The following CTTNBP2 variants were observed in gnomAD, a reference collection of about 807,000 sequenced individuals.
The protein encoded by CTTNBP2 is cortactin binding protein 2, also known as cortactin-binding protein 2.
CTTNBP2 carries 108 observed loss-of-function variants against 156.9 expected under a neutral mutation model. The ratio of observed to expected loss-of-function variants is 0.69; its 90% CI spans 0.59 to 0.81. The LOEUF (loss-of-function observed/expected upper bound fraction) is 0.81. Ranked by LOEUF, CTTNBP2 falls within the 30% of genes least tolerant of loss-of-function variation. CTTNBP2 has a pLI of 0.00. For synonymous variants in CTTNBP2, 767 were observed against 751.8 expected (o/e 1.02, Z -0.33); for missense variants, 1,924 against 2,035.4 (o/e 0.95, Z 1.05).
intron 11 of CTTNBP2, among the ~76,000 whole-genome samples, chr7:117,757,101 T>C (rs1353667998): frequency 1.3e-5 from 2 of 152,226 alleles, no homozygotes; most frequent in African/African-American, 4.8e-5. Flanking sequence ...ATTCTCTCAA[T>C]ACATTGTTTG....
chr7:117,749,791 G>A (rs1208743873), intron 12 of CTTNBP2, among the ~76,000 whole-genome samples: 1 of 151,866 alleles, frequency 6.6e-6, no homozygotes, highest in Non-Finnish European at 1.5e-5. Flanking sequence ...TCACATAAAT[G>A]GGCCTAATAC....
chr7:117,841,239 A>T (rs1213833099), intron 2 of CTTNBP2, among the ~76,000 whole-genome samples: 4 of 152,202 alleles, frequency 2.6e-5, no homozygotes, highest in Admixed American at 6.5e-5. Flanking sequence ...TAAAAAAATC[A>T]TCTGTCATTG....
chr7:117,746,005 A>G lies in CTTNBP2; in HGVS notation c.3435+8T>C. 1.2e-6 allele frequency: 2 copies of G among 1,613,338 alleles called. No homozygotes were observed. Among genetic ancestry groups the G allele is most frequent in the Non-Finnish European group, 8.5e-7 (1 of 1,179,244 alleles). On this transcript the variant is annotated splice_region_variant and intron_variant, in intron 13 of 22. Transcript: ENST00000160373. The stretch of plus-strand genomic sequence containing the variant: ...AAGAAAAGCAGCTGATATACAAGTA[A>G]TCAATACCTTCAGGCAGAGTGCAAG...
chr7:117,756,524 C>T, intron 12 of CTTNBP2, 31 bp downstream of exon 12: 1 of 1,552,788 alleles, frequency 6.4e-7, no homozygotes, highest in Non-Finnish European at 8.9e-7. Context: ...GGATGGAAAA[C>T]ACAGGTCTCC....
chr7:117,868,324 C>CT (rs1804348518), intron 1 of CTTNBP2, among the ~76,000 whole-genome samples: 1 of 152,198 alleles, frequency 6.6e-6, no homozygotes, highest in Non-Finnish European at 1.5e-5. Context: ...GCCTTTGGAA[C>CT]CATCTTGTCT....
chr7:117,777,432 T>C lies in CTTNBP2; in HGVS notation c.2778+79A>G, dbSNP rs369178447. The C allele has an allele frequency of 1.7e-4, 245 of 1,403,108 alleles. No individual in the cohort carries two copies. In the African/African-American group the frequency reaches 3.1e-3, roughly 18 times the overall value. The allele number at this position is 1,403,108 out of a possible 1,614,324, so 86.9% of individuals were successfully genotyped here. On this transcript the variant is annotated intron_variant, in intron 8 of 22. Coordinates refer to ENST00000160373, the MANE Select transcript of CTTNBP2 (RefSeq NM_033427.3). ...TCAGTCTCCAATTATTCAATTTAAG[T>C]GCACTTAATCTATAGCAGACAACTT...
chr7:117,860,393 A>G (rs1455801594), intron 2 of CTTNBP2, among the ~76,000 whole-genome samples: 1 of 151,062 alleles, frequency 6.6e-6, no homozygotes, highest in Non-Finnish European at 1.5e-5. Flanking sequence ...CCCAGGCTGG[A>G]GTGCAGTGGC....
rs910517992 is a variant in CTTNBP2 at position 117,791,037 on chromosome 7, A to C, written c.2068+91T>G. On this transcript the variant is annotated intron_variant, in intron 4 of 22. Coordinates refer to ENST00000160373, the MANE Select transcript of CTTNBP2 (RefSeq NM_033427.3). ...GTGGGGGGAAGCATCAAATTTAAAA[A>C]AAAAGTTTCAAGGCAATGTGAAGAA... The C allele has an allele frequency of 1.3e-5, 15 of 1,118,564 alleles. 1 individual carries two copies. In the Admixed American group the frequency reaches 3.5e-4, roughly 26 times the overall value. The allele number at this position is 1,118,564 out of a possible 1,614,324, so 69.3% of individuals were successfully genotyped here. A position where few individuals can be genotyped will look rare whatever the true frequency, so the allele number is the denominator to read the frequency against.
At chr7:117,860,897 T>C (rs1803684058) in intron 2 of CTTNBP2, among the ~76,000 whole-genome samples, 1 of 152,216 alleles carries the variant, frequency 6.6e-6, no homozygotes, top group Admixed American at 6.5e-5. Flanking sequence ...AGCAATTTTC[T>C]GAAAACACGT....
At chr7:117,871,272 C>T (rs1231198166) in intron 1 of CTTNBP2, among the ~76,000 whole-genome samples, 1 of 152,136 alleles carries the variant, frequency 6.6e-6, no homozygotes, top group East Asian at 1.9e-4. Flanking sequence ...ATAGGTCAAG[C>T]GGCTGATATG....
chr7:117,846,979 G>A (rs928104016), intron 2 of CTTNBP2, among the ~76,000 whole-genome samples: 3 of 152,188 alleles, frequency 2.0e-5, no homozygotes, highest in East Asian at 3.9e-4. Flanking sequence ...TAGTTACAAC[G>A]TAAAGACAAA....
intron 8 of CTTNBP2, among the ~76,000 whole-genome samples, chr7:117,768,417 T>G (rs532011352): frequency 2.6e-5 from 4 of 151,444 alleles, no homozygotes; most frequent in Non-Finnish European, 5.9e-5. Flanking sequence ...AATACAAAAA[T>G]TAGCCAGACA....
At position 117,829,139 on chromosome 7, in the gene CTTNBP2, G is replaced by C. The variant is rs543126041; in HGVS notation, c.190-18150C>G. The stretch of plus-strand genomic sequence containing the variant: ...AAGCCTGCAGGCCTCAGTGGCCTCA[G>C]AGCATATGACACCACTCTTCTGTGT... On this transcript the variant is annotated intron_variant, in intron 2 of 22. Coordinates refer to ENST00000160373, the MANE Select transcript of CTTNBP2 (RefSeq NM_033427.3). 5.9e-5 allele frequency among the ~76,000 whole-genome samples: 9 copies of C among 152,350 alleles called. No homozygotes were observed. In the South Asian group the frequency reaches 1.9e-3, roughly 32 times the overall value.
intron 3 of CTTNBP2, among the ~76,000 whole-genome samples, chr7:117,801,685 T>C (rs988016616): frequency 2.0e-5 from 3 of 152,190 alleles, no homozygotes; most frequent in African/African-American, 7.2e-5. Context: ...AAACCATATG[T>C]CTTTAATTTA....
intron 2 of CTTNBP2, among the ~76,000 whole-genome samples, chr7:117,847,148 C>T (rs1201011660): frequency 6.6e-6 from 1 of 151,712 alleles, no homozygotes; most frequent in African/African-American, 2.4e-5. Context: ...TAAATCATTT[C>T]AGGGGCATCC....
chr7:117,791,384 A>C lies in CTTNBP2; in HGVS notation c.1812T>G (p.Pro604=). 1 of 1,614,188 alleles carries C rather than the reference A, an allele frequency of 6.2e-7. No individual in the cohort carries two copies. The highest frequency in any genetic ancestry group is 8.5e-7 in the Non-Finnish European group (1 of 1,180,028). ...GNRVINEENL[P]KSSSPQLPPK... is the part of the protein sequence containing the mutation. ...GTGGCAGCTGAGGGGAGGATGACTT[A>C]GGAAGGTTCTCCTCATTGATCACCC... is the stretch of plus-strand genomic sequence containing the variant. The change falls in exon 4 of 23, where the codon CCT becomes CCG. Residue 604 remains proline, a synonymous_variant. Coordinates refer to ENST00000160373, the MANE Select transcript of CTTNBP2 (RefSeq NM_033427.3).
At chr7:117,860,217 T>C (rs1374808505) in intron 2 of CTTNBP2, among the ~76,000 whole-genome samples, 1 of 151,990 alleles carries the variant, frequency 6.6e-6, no homozygotes, top group Non-Finnish European at 1.5e-5. Context: ...AAGTATTAAA[T>C]AGAAAAGAAG....
chr7:117,740,470 T>C lies in CTTNBP2; in HGVS notation c.3536-5049A>G, dbSNP rs899920397. Among the ~76,000 whole-genome samples the C allele has an allele frequency of 2.6e-5, 4 of 152,220 alleles. No individual in the cohort carries two copies. The East Asian group carries it at 7.7e-4, about 29-fold the overall frequency. ...GCATTCTCACCCCATTCAACCCACA[T>C]AGTTTAAGGCTCTCTCTTTAGAGAA... On this transcript the variant is annotated intron_variant, in intron 14 of 22. Coordinates refer to ENST00000160373, the MANE Select transcript of CTTNBP2 (RefSeq NM_033427.3).
At chr7:117,858,128 T>C (rs556837950) in intron 2 of CTTNBP2, among the ~76,000 whole-genome samples, 2 of 152,344 alleles carry the variant, frequency 1.3e-5, no homozygotes, top group Admixed American at 1.3e-4. Context: ...CCCAGCACTT[T>C]GGAAGGCCAA....
Sources: allele counts gnomAD v4.1 joint callset (sites outside exome capture counted in the v4.1 genomes callset), GRCh38; gene constraint gnomAD v4.1.1; transcripts MANE v1.5; gene names NCBI Gene and HGNC (gene_info 2026-07-23, HGNC 2026-07-21).